Variants in PYGB observed in about 807,000 individuals in gnomAD.
PYGB encodes the protein glycogen phosphorylase, brain form.
In PYGB, 82 loss-of-function variants were observed where a neutral mutation model predicts 94.3. The ratio of observed to expected loss-of-function variants is 0.87; its 90% confidence interval spans 0.73 to 1.04. The LOEUF (loss-of-function observed/expected upper bound fraction) is 1.04, where lower values mean the gene tolerates loss of function less well. PYGB is among the 50% of genes least tolerant of loss of function. PYGB has a pLI of 0.00. For synonymous variants in PYGB, 488 were observed against 479.1 expected (o/e 1.02, Z -0.24); for missense variants, 1,132 against 1,158.2 (o/e 0.98, Z 0.33).
In PYGB at chr20:25,280,279, C is replaced by T. The variant is rs201517237; in HGVS notation, c.1106C>T (p.Thr369Met). 31 of 1,613,922 alleles carry T rather than the reference C, an allele frequency of 1.9e-5. No individual in the cohort carries two copies. The highest frequency in any genetic ancestry group is 6.7e-5 in the African/African-American group (5 of 74,944). Residue 369 changes from threonine (T) to methionine (M), a missense_variant, in exon 10 of 20, where the codon ACG becomes ATG. Transcript: ENST00000216962. ...CTAATGGCCTAGGCCTGGGAAATCA[C>T]GAAGAAGACCTGTGCATACACCAAC... The part of the protein sequence containing the change: ...KVDWDKAWEI[T>M]KKTCAYTNHT...
rs750992988 is a variant in PYGB at position 25,288,344 on chromosome 20, G to A, written c.1769-81G>A. 1.8e-5 allele frequency: 27 copies of A among 1,478,748 alleles called. 1 individual carries two copies. In the East Asian group the frequency reaches 2.5e-4, roughly 14 times the overall value. The allele number at this position is 1,478,748 out of a possible 1,614,324, so 91.6% of individuals were successfully genotyped here. ...AGCGTGCCTGTCCTGCCTCAGGGTC[G>A]GCCTCTGATGCTGCTGGGCCCCAGC... On this transcript the variant is annotated intron_variant, in intron 14 of 19. Transcript: ENST00000216962.
At chr20:25,274,070 T>C (rs1881449611) in intron 4 of PYGB, among the ~76,000 whole-genome samples, 1 of 152,208 alleles carries the variant, frequency 6.6e-6, no homozygotes, top group Admixed American at 6.5e-5. Context: ...TTTATTGAAA[T>C]AGAGAGTCGA....
rs925700995 is a variant in PYGB, at chr20:25,290,638, T to C, written c.1969+16T>C. The C allele has an allele frequency of 3.1e-6, 5 of 1,589,296 alleles. No homozygotes were observed. Among genetic ancestry groups the C allele is most frequent in the East Asian group, 2.3e-5 (1 of 44,118 alleles). ...GCTGAGAAAGGTAACCCTGGAAGCC[T>C]GTGTTGGACAGAAAACTCACTCCTG... On this transcript the variant is annotated intron_variant, in intron 16 of 19. Transcript: ENST00000216962.
At chr20:25,280,006 T>C (rs1012545165) in intron 9 of PYGB, among the ~76,000 whole-genome samples, 4 of 152,206 alleles carry the variant, frequency 2.6e-5, no homozygotes, top group Non-Finnish European at 5.9e-5. Context: ...AGCAGGCGAT[T>C]GTGTCTTATT....
chr20:25,278,991 T>A, intron 8 of PYGB, 66 bp from the exon 9 acceptor site: 3 of 1,488,268 alleles, frequency 2.0e-6, no homozygotes, highest in Non-Finnish European at 2.8e-6. Flanking sequence ...GAGCTTCGTA[T>A]GCCAACAACC....
Position 25,248,312 on chromosome 20 carries a change from A to G in PYGB, c.134A>G (p.Asn45Ser). Residue 45 changes from asparagine to serine, a missense_variant, in exon 1 of 20, where the codon AAT (asparagine) becomes AGT (serine). Transcript: ENST00000216962. ...CACTTCACGCTGGTCAAGGACCGCA[A>G]TGTGGCCACGCCCCGCGACTACTTC... Reference protein sequence around the residue: ...HLHFTLVKDRNVATPRDYFFA... With the variant: ...HLHFTLVKDRSVATPRDYFFA... 5.6e-6 allele frequency: 9 copies of G among 1,604,468 alleles called. No homozygotes were observed. Among genetic ancestry groups the G allele is most frequent in the South Asian group, 1.1e-5 (1 of 89,584 alleles).
chr20:25,280,992 G>C lies in PYGB; in HGVS notation c.1283G>C (p.Arg428Thr), dbSNP rs2088361824. The C allele has an allele frequency of 6.2e-7, 1 of 1,614,092 alleles. No homozygotes were observed. Among genetic ancestry groups the C allele is most frequent in the Non-Finnish European group, 8.5e-7 (1 of 1,180,034 alleles). Residue 428 changes from arginine (R) to threonine (T), a missense_variant, in exon 11 of 20, where the codon AGG (arginine) becomes ACG (threonine). Coordinates refer to ENST00000216962, the MANE Select transcript of PYGB (RefSeq NM_002862.4). ...CCCGGCGATGTGGACCGCCTGCGCAGGATGTCTGTGATCGAGGAGGGGGAC... is the reference window on the plus strand; with the variant it reads ...CCCGGCGATGTGGACCGCCTGCGCACGATGTCTGTGATCGAGGAGGGGGAC... The part of the protein sequence containing the change: ...LFPGDVDRLR[R>T]MSVIEEGDCK...
At chr20:25,294,122 G>A (rs1172349581) in intron 17 of PYGB, 36 bp from the exon 18 acceptor site, 7 of 1,607,756 alleles carry the variant, frequency 4.4e-6, no homozygotes, top group South Asian at 2.2e-5. Flanking sequence ...CCCACCTGGG[G>A]CGCTGGCTGC....
At chr20:25,266,194 C>CTA (rs1300820999) in intron 2 of PYGB, among the ~76,000 whole-genome samples, 1 of 151,690 alleles carries the variant, frequency 6.6e-6, no homozygotes, top group Non-Finnish European at 1.5e-5. Flanking sequence ...TTTATTAAGT[C>CTA]TAGTTTGTCT....
chr20:25,281,541 G>A (rs1600735393), intron 11 of PYGB, among the ~76,000 whole-genome samples: 1 of 152,234 alleles, frequency 6.6e-6, no homozygotes, highest in Non-Finnish European at 1.5e-5. Context: ...ACTCTTTCAC[G>A]TAGCATGTGC....
intron 18 of PYGB, 88 bp downstream of exon 18, chr20:25,294,380 G>A: frequency 2.1e-6 from 3 of 1,459,192 alleles, no homozygotes; most frequent in Non-Finnish European, 2.8e-6. Context: ...ACCTTGTTTG[G>A]AGAGCAAAAC....
chr20:25,276,855 C>G, intron 6 of PYGB, 98 bp downstream of exon 6: 1 of 1,138,500 alleles, frequency 8.8e-7, no homozygotes. Flanking sequence ...GCTCACTGTC[C>G]TGGAGGCCGC....
At chr20:25,257,136 G>A (rs1400685581) in intron 1 of PYGB, among the ~76,000 whole-genome samples, 1 of 152,158 alleles carries the variant, frequency 6.6e-6, no homozygotes, top group African/African-American at 2.4e-5. Context: ...TCAGTTTCAT[G>A]GTTTTCACTC....
At chr20:25,278,227 G>C in intron 7 of PYGB, 92 bp from the exon 8 acceptor site, 1 of 1,278,526 alleles carries the variant, frequency 7.8e-7, no homozygotes, top group Non-Finnish European at 1.0e-6. Flanking sequence ...TCGGCCTTCT[G>C]CCTGCACCTT....
intron 18 of PYGB, chr20:25,295,028 G>C (rs372701114): frequency 1.2e-6 from 2 of 1,614,216 alleles, no homozygotes; most frequent in Non-Finnish European, 1.7e-6. Context: ...GCCCTGCTGA[G>C]GTCTGTGATA....
intron 1 of PYGB, among the ~76,000 whole-genome samples, chr20:25,253,145 A>G (rs1034454058): frequency 1.3e-5 from 2 of 152,238 alleles, no homozygotes; most frequent in African/African-American, 4.8e-5. Flanking sequence ...CCATGGGGGA[A>G]GGCCTTGCAG....
chr20:25,290,368 G>T, intron 15 of PYGB, 113 bp from the exon 16 acceptor site: 1 of 1,377,000 alleles, frequency 7.3e-7, no homozygotes, highest in Non-Finnish European at 1.0e-6. Context: ...CGTCCCGACG[G>T]CAGGTTCCTG....
chr20:25,263,754 A>G (rs1364936216), intron 2 of PYGB, among the ~76,000 whole-genome samples: 1 of 152,212 alleles, frequency 6.6e-6, no homozygotes, highest in African/African-American at 2.4e-5. Flanking sequence ...TCCTGAATAG[A>G]CCAATAACAG....
In PYGB at chr20:25,296,503, C is replaced by T. The variant is rs201566117; in HGVS notation, c.2513C>T (p.Pro838Leu). 48 of 1,613,584 alleles carry T rather than the reference C, an allele frequency of 3.0e-5. No homozygotes were observed. Among genetic ancestry groups the T allele is most frequent in the Non-Finnish European group, 3.5e-5 (41 of 1,179,920 alleles). ...CCCTCCGACCTGCAGATCCCGCCCC[C>T]CAACATCCCCCGGGACTAGGCACAC... ...VEPSDLQIPP[P>L]NIPRD The change falls in exon 20 of 20, where the codon CCC (proline) becomes CTC (leucine). Residue 838 changes from proline to leucine, a missense_variant. Transcript: ENST00000216962.
Sources: allele counts gnomAD v4.1 joint callset (sites outside exome capture counted in the v4.1 genomes callset), GRCh38; gene constraint gnomAD v4.1.1; transcripts MANE v1.5; gene names NCBI Gene and HGNC (gene_info 2026-07-23, HGNC 2026-07-21).